The following NSF variants were observed in gnomAD, a reference collection of about 807,000 sequenced individuals.
NSF encodes the protein vesicle-fusing ATPase.
Under a neutral mutation model 50.3 loss-of-function variants are expected in NSF, and 14 were observed. The observed-to-expected ratio is 0.28, with a 90% CI of 0.18 to 0.44. The LOEUF (loss-of-function observed/expected upper bound fraction) is 0.44. Ranked by LOEUF, NSF falls within the 20% of genes least tolerant of loss-of-function variation. NSF has a pLI of 1.00. For missense variants in NSF, 218 were observed against 504.3 expected (o/e 0.43, Z 5.44); for synonymous variants, 109 against 175.7 (o/e 0.62, Z 3.00).
At chr17:46,722,683 G>C (rs1308904656) in intron 15 of NSF, among the ~76,000 whole-genome samples, 2 of 152,170 alleles carry the variant, frequency 1.3e-5, no homozygotes. Context: ...AGAAATCGTG[G>C]ATCCTGGGAA....
rs1230357701 is a variant in NSF, at chr17:46,755,976, CCCTT to C, written c.*158_*161del. ...TCTGCATGATTAGTGCAATAAAACTCCCTTCCTTATGCATACTGAGATAGCTTAG... is the reference window on the plus strand; with the variant it reads ...TCTGCATGATTAGTGCAATAAAACTCCCTTATGCATACTGAGATAGCTTAG... On this transcript the variant is annotated 3_prime_UTR_variant, in exon 21 of 21. Transcript: ENST00000398238. The C allele has an allele frequency of 3.9e-5, 27 of 692,064 alleles. No individual in the cohort carries two copies. The highest frequency in any genetic ancestry group is 1.3e-4 in the African/African-American group (7 of 55,312). 42.9% of individuals were successfully genotyped at this position (692,064 alleles called of 1,614,324 possible).
At chr17:46,618,520 A>AT (rs1053836702) in intron 1 of NSF, among the ~76,000 whole-genome samples, 9 of 90,984 alleles carry the variant, frequency 9.9e-5, no homozygotes, top group African/African-American at 4.4e-4. Context: ...ACTTCTGTGG[A>AT]TTTTTTCACT....
chr17:46,657,595 C>G (rs2058270301), intron 8 of NSF, among the ~76,000 whole-genome samples: 1 of 126,684 alleles, frequency 7.9e-6, no homozygotes, highest in Admixed American at 7.9e-5. Flanking sequence ...TTTGCTCATT[C>G]TTCAAGTTTC....
chr17:46,713,632 G>A (rs1345754259), intron 14 of NSF, among the ~76,000 whole-genome samples: 2 of 152,172 alleles, frequency 1.3e-5, no homozygotes, highest in Non-Finnish European at 2.9e-5. Flanking sequence ...AGAATGTCAG[G>A]AGGCATGTAT....
At chr17:46,739,390 AAAG>A (rs2059045000) in intron 17 of NSF, among the ~76,000 whole-genome samples, 1 of 149,792 alleles carries the variant, frequency 6.7e-6, no homozygotes, top group Admixed American at 6.7e-5. Context: ...AAAAAAAAAA[AAAG>A]CCAAGCATGG....
At chr17:46,724,865 C>T (rs936800197) in intron 15 of NSF, among the ~76,000 whole-genome samples, 1 of 152,120 alleles carries the variant, frequency 6.6e-6, no homozygotes, top group Non-Finnish European at 1.5e-5. Context: ...AGATGGCTTC[C>T]TCTGTCATGG....
At chr17:46,755,486 C>A in intron 20 of NSF, 117 bp downstream of exon 20, 1 of 935,342 alleles carries the variant, frequency 1.1e-6, no homozygotes, top group Non-Finnish European at 1.7e-6. Flanking sequence ...TTGAATTCTT[C>A]GCTGTGTTGT....
intron 1 of NSF, among the ~76,000 whole-genome samples, chr17:46,621,385 C>T (rs1245263762): frequency 6.1e-5 from 8 of 131,206 alleles, no homozygotes; most frequent in Admixed American, 4.7e-4. Flanking sequence ...CTCCCGGGCT[C>T]ACGCCTTTCT....
chr17:46,725,395 G>A (rs1054349412), intron 15 of NSF, among the ~76,000 whole-genome samples: 4 of 152,112 alleles, frequency 2.6e-5, no homozygotes, highest in Admixed American at 2.6e-4. Flanking sequence ...TAAAGGGATG[G>A]TGCATAGGAA....
chr17:46,750,292 G>A (rs1433062107), intron 18 of NSF, among the ~76,000 whole-genome samples: 1 of 152,216 alleles, frequency 6.6e-6, no homozygotes, highest in Admixed American at 6.5e-5. Context: ...GGCGGAGGTT[G>A]CAGTGAGCCA....
chr17:46,694,117 G>A (rs2058571848), intron 11 of NSF, among the ~76,000 whole-genome samples, 196 bp downstream of exon 11: 2 of 131,878 alleles, frequency 1.5e-5, no homozygotes, highest in South Asian at 4.7e-4. Flanking sequence ...GGGCGCAGTG[G>A]CTCACACCTG....
intron 14 of NSF, among the ~76,000 whole-genome samples, chr17:46,712,685 C>G (rs555830320): frequency 9.9e-5 from 15 of 152,008 alleles, no homozygotes; most frequent in Non-Finnish European, 2.1e-4. Flanking sequence ...TGGGAGTGAA[C>G]GAAATCACTT....
chr17:46,704,168 G>GAT (rs2058636324), intron 12 of NSF, among the ~76,000 whole-genome samples: 1 of 81,752 alleles, frequency 1.2e-5, no homozygotes, highest in African/African-American at 4.9e-5. Flanking sequence ...AGGCTGTACA[G>GAT]ATATCTCTTC....
chr17:46,703,707 A>AC (rs2058630977), intron 12 of NSF, among the ~76,000 whole-genome samples: 1 of 151,094 alleles, frequency 6.6e-6, no homozygotes, highest in African/African-American at 2.4e-5. Flanking sequence ...AAAAAAAACA[A>AC]AAAACAGAAA....
intron 15 of NSF, among the ~76,000 whole-genome samples, chr17:46,724,828 T>C (rs1463682615): frequency 6.6e-6 from 1 of 152,146 alleles, no homozygotes; most frequent in East Asian, 1.9e-4. Flanking sequence ...GGCCTTTTTT[T>C]CTTCTTCTTC....
Position 46,704,800 on chromosome 17 carries a change from C to T in NSF, c.1416C>T (p.Ser472=). 1 of 1,608,056 alleles carries T rather than the reference C, an allele frequency of 6.2e-7. No homozygotes were observed. The highest frequency in any genetic ancestry group is 8.5e-7 in the Non-Finnish European group (1 of 1,178,520). ...KVEVDMEKAE[S]LQVTRGDFLA... ...AAGTGGACATGGAGAAAGCAGAAAG[C>T]CTGCAAGTGACGAGAGGAGACTTCC... The change falls in exon 13 of 21, where the codon AGC becomes AGT. Residue 472 remains serine, a synonymous_variant. Transcript: ENST00000398238.
chr17:46,729,535 A>C (rs2058927581), intron 17 of NSF, among the ~76,000 whole-genome samples: 2 of 33,878 alleles, frequency 5.9e-5, no homozygotes. Flanking sequence ...CCAACCTATG[A>C]AGGTTGGTTA....
intron 17 of NSF, among the ~76,000 whole-genome samples, chr17:46,740,961 C>T (rs1268879336): frequency 6.6e-6 from 1 of 152,192 alleles, no homozygotes; most frequent in African/African-American, 2.4e-5. Flanking sequence ...GCACAGAGGT[C>T]ATTATTTCTA....
At chr17:46,754,360 TC>T (rs2059213274) in intron 19 of NSF, among the ~76,000 whole-genome samples, 1 of 151,502 alleles carries the variant, frequency 6.6e-6, no homozygotes, top group African/African-American at 2.4e-5. Context: ...GAAAAAAAAA[TC>T]CGTGGTTGGA....
Sources: allele counts gnomAD v4.1 joint callset (sites outside exome capture counted in the v4.1 genomes callset), GRCh38; gene constraint gnomAD v4.1.1; transcripts MANE v1.5; gene names NCBI Gene and HGNC (gene_info 2026-07-23, HGNC 2026-07-21).